FNBP4: variants seen among roughly 807,000 people sequenced by gnomAD.
The protein encoded by FNBP4 is formin binding protein 4, also known as formin-binding protein 4.
Under a neutral mutation model 119.3 loss-of-function variants are expected in FNBP4, and 34 were observed. The ratio of observed to expected loss-of-function variants is 0.28; its 90% CI spans 0.22 to 0.38. The LOEUF is 0.38. Among genes scored for constraint, FNBP4 ranks in the 10% least tolerant of loss-of-function variants. The pLI is 1.00. For missense variants in FNBP4, 1,112 were observed against 1,228.9 expected, an observed-to-expected ratio of 0.90 and a Z score of 1.42; for synonymous variants, 462 against 430.6, an observed-to-expected ratio of 1.07 and a Z score of -0.90.
Position 47,767,256 on chromosome 11 carries a change from A to G in FNBP4, c.33T>C (p.Arg11=), listed in dbSNP as rs146921625. MGKKSRAVPG[R]RPILQLSPPG... is the part of the protein sequence containing the mutation. ...GCGGAGAGAGTTGCAGGATGGGCCTACGGCCGGGTACCGCCCGGGACTTCT... is the reference window on the plus strand; with the variant it reads ...GCGGAGAGAGTTGCAGGATGGGCCTGCGGCCGGGTACCGCCCGGGACTTCT... The change falls in exon 1 of 17, where the codon CGT becomes CGC. Residue 11 remains arginine (R), a synonymous_variant. Coordinates refer to ENST00000263773, the MANE Select transcript of FNBP4 (RefSeq NM_015308.5). The G allele has an allele frequency of 1.4e-3, 2,124 of 1,557,162 alleles. 26 individuals carry two copies. The African/African-American group carries it at 0.025, about 18-fold the overall frequency.
intron 2 of FNBP4, among the ~76,000 whole-genome samples, chr11:47,758,973 C>T (rs2135268634): frequency 6.7e-6 from 1 of 150,024 alleles, no homozygotes; most frequent in Middle Eastern, 3.4e-3. Context: ...GGCTGGAGTG[C>T]AGTGGCACAA....
intron 7 of FNBP4, 142 bp from the exon 8 acceptor site, chr11:47,744,305 C>T: frequency 2.8e-6 from 2 of 720,382 alleles, no homozygotes; most frequent in Non-Finnish European, 4.6e-6. Flanking sequence ...ACAGGCTCTC[C>T]CTCTGTTGCC....
chr11:47,730,106 T>C, intron 12 of FNBP4: 1 of 985,462 alleles, frequency 1.0e-6, no homozygotes, highest in Non-Finnish European at 1.2e-6. Context: ...TTTTCAACTT[T>C]GGAACATATA....
chr11:47,756,381 G>A (rs1023093539), intron 2 of FNBP4, among the ~76,000 whole-genome samples: 98 of 152,182 alleles, frequency 6.4e-4, no homozygotes, highest in African/African-American at 2.2e-3. Context: ...CAGATTTATC[G>A]AAAGTTAAAT....
intron 2 of FNBP4, among the ~76,000 whole-genome samples, chr11:47,761,241 A>AC (rs2097633631): frequency 6.6e-6 from 1 of 152,214 alleles, no homozygotes; most frequent in Admixed American, 6.5e-5. Context: ...AACAGGAATG[A>AC]AGTTAGAGTA....
Position 47,767,187 on chromosome 11 carries a change from T to A in FNBP4, c.102A>T (p.Glu34Asp). The A allele has an allele frequency of 2.6e-6, 4 of 1,559,652 alleles. No individual in the cohort carries two copies. In the South Asian group the frequency reaches 4.7e-5, roughly 18 times the overall value. ...CGGTTGAGTCCGGCTCAGTGTCGGG[T>A]TCCGGCTCCGGGTCCCGGCCCGGCG... ...GSTPGRDPEP[E>D]PDTEPDSTAA... Residue 34 changes from glutamate to aspartate, a missense_variant, in exon 1 of 17, where the codon GAA becomes GAT. By Grantham distance (45) the Glu-to-Asp change is conservative. Coordinates refer to ENST00000263773, the MANE Select transcript of FNBP4 (RefSeq NM_015308.5).
intron 8 of FNBP4, among the ~76,000 whole-genome samples, chr11:47,740,679 C>T (rs776296673): frequency 9.9e-5 from 15 of 151,650 alleles, no homozygotes; most frequent in Admixed American, 5.2e-4. Context: ...CTCCAACTTC[C>T]GCCTCCTGGG....
rs61733166 is a variant in FNBP4 at position 47,753,097 on chromosome 11, G to T, written c.456C>A (p.Ile152=). 2.5e-6 allele frequency: 4 copies of T among 1,606,370 alleles called. No individual in the cohort carries two copies. Among genetic ancestry groups the T allele is most frequent in the Admixed American group, 3.5e-5 (2 of 56,948 alleles). ...DSTLANFLAE[I]DAITAPQPAA... ...CAGGCTGAGGAGCTGTTATGGCATC[G>T]ATCTCCTTCAGTATGAAAAGAGTAA... Residue 152 remains isoleucine, a synonymous_variant, in exon 4 of 17, where the codon ATC becomes ATA. Transcript: ENST00000263773.
Position 47,724,135 on chromosome 11 carries a change from G to C in FNBP4, c.2357C>G (p.Thr786Ser). Residue 786 changes from threonine (T) to serine (S), a missense_variant, in exon 14 of 17, where the codon ACT (threonine) becomes AGT (serine). Thr to Ser is a moderately conservative substitution (Grantham distance 58). Coordinates refer to ENST00000263773, the MANE Select transcript of FNBP4 (RefSeq NM_015308.5). ...TGTAGCTTTCCTCTTTATTCCTTTA[G>C]TGGAAGAAGAACTAGAGATGGTGGA... is the stretch of plus-strand genomic sequence containing the variant. Reference protein sequence around the residue: ...VDSTISSSSSTKGIKRKATEI... With the variant: ...VDSTISSSSSSKGIKRKATEI... The C allele has an allele frequency of 4.3e-6, 7 of 1,614,190 alleles. No homozygotes were observed. Among genetic ancestry groups the C allele is most frequent in the Non-Finnish European group, 5.9e-6 (7 of 1,180,026 alleles).
chr11:47,759,218 T>A lies in FNBP4; in HGVS notation c.314-4554A>T, dbSNP rs556465507. On this transcript the variant is annotated intron_variant, in intron 2 of 16. Transcript: ENST00000263773. ...TACAGGTGTGAGACCTGCGCCTGGCTTTTTTTTTTTGGTATGGAGTTTCGC... is the reference window on the plus strand; with the variant it reads ...TACAGGTGTGAGACCTGCGCCTGGCATTTTTTTTTTGGTATGGAGTTTCGC... Among the ~76,000 whole-genome samples the A allele has an allele frequency of 0.049, 10 of 204 alleles. No homozygotes were observed. The South Asian group carries it at 0.5, about 10-fold the overall frequency. 0.1% of individuals were successfully genotyped at this position (204 alleles called of 152,430 possible). A position where few individuals can be genotyped will look rare whatever the true frequency, so the allele number is the denominator to read the frequency against.
chr11:47,725,099 T>C (rs1209334522), intron 12 of FNBP4: 1 of 199,294 alleles, frequency 5.0e-6, no homozygotes, highest in East Asian at 1.2e-4. Flanking sequence ...TCCATATTTA[T>C]GGATGAGTAG....
chr11:47,724,160 A>G lies in FNBP4; in HGVS notation c.2332T>C (p.Ser778Pro), dbSNP rs752701873. Residue 778 changes from serine to proline, a missense_variant, in exon 14 of 17, where the codon TCC (serine) becomes CCC (proline). Physicochemically the swap from Ser to Pro is moderately conservative, Grantham distance 74. This residue lies in a region of FNBP4 where 826 missense variants were observed against 988.8 expected (regional missense o/e 0.84). Coordinates refer to ENST00000263773, the MANE Select transcript of FNBP4 (RefSeq NM_015308.5). ...TVVTSQSSVD[S>P]TISSSSSTKG... ...GTGGAAGAAGAACTAGAGATGGTGGAATCAACTGAACTCTGAAACACAAAC... is the reference window on the plus strand; with the variant it reads ...GTGGAAGAAGAACTAGAGATGGTGGGATCAACTGAACTCTGAAACACAAAC... 1.2e-6 allele frequency: 2 copies of G among 1,614,138 alleles called. No individual in the cohort carries two copies. Among genetic ancestry groups the G allele is most frequent in the South Asian group, 2.2e-5 (2 of 91,076 alleles).
rs962461413 is a variant in FNBP4 at position 47,732,010 on chromosome 11, A to G, written c.1821-449T>C. On this transcript the variant is annotated intron_variant, in intron 11 of 16. Transcript: ENST00000263773. This position sits in a 1 kb window ranked among gnomAD's most constrained non-coding sequence, Gnocchi z 4.2. ...TTGATATCAAACACAGTGAAAGCTA[A>G]AGAGAGGGAGAGGATCTGGGAGCTG... 3 of 993,152 alleles carry G rather than the reference A, an allele frequency of 3.0e-6. No individual in the cohort carries two copies. The highest frequency in any genetic ancestry group is 2.4e-6 in the Non-Finnish European group (2 of 835,528). 61.5% of individuals were successfully genotyped at this position (993,152 alleles called of 1,614,324 possible). A position where few individuals can be genotyped will look rare whatever the true frequency, so the allele number is the denominator to read the frequency against.
At chr11:47,749,325 G>A (rs1277933392) in intron 6 of FNBP4, among the ~76,000 whole-genome samples, 1 of 564 alleles carries the variant, frequency 1.8e-3, no homozygotes, top group African/African-American at 2.0e-3. Flanking sequence ...TAATCCCAGC[G>A]TCTGAGGCAG....
rs1450810685 is a variant in FNBP4 at position 47,734,145 on chromosome 11, G to A, written c.1582-16C>T. The A allele has an allele frequency of 7.0e-7, 1 of 1,425,446 alleles. No individual in the cohort carries two copies. The highest frequency in any genetic ancestry group is 1.4e-5 in the African/African-American group (1 of 69,094). 88.3% of individuals were successfully genotyped at this position (1,425,446 alleles called of 1,614,324 possible). A position where few individuals can be genotyped will look rare whatever the true frequency, so the allele number is the denominator to read the frequency against. On this transcript the variant is annotated splice_polypyrimidine_tract_variant and intron_variant, in intron 9 of 16. Transcript: ENST00000263773. ...CAATCTGAAACTACAATGCAAAAAAGAAAAAAAGTAAAACTAGAATCCGTA... is the reference window on the plus strand; with the variant it reads ...CAATCTGAAACTACAATGCAAAAAAAAAAAAAAGTAAAACTAGAATCCGTA...
chr11:47,747,676 G>A (rs989454108), intron 6 of FNBP4, among the ~76,000 whole-genome samples: 8 of 152,090 alleles, frequency 5.3e-5, no homozygotes, highest in East Asian at 3.9e-4. Context: ...TAGGCCGGGC[G>A]CAGTGGCTCA....
intron 2 of FNBP4, among the ~76,000 whole-genome samples, chr11:47,758,004 T>C (rs1320419578): frequency 1.3e-5 from 2 of 152,208 alleles, no homozygotes; most frequent in Non-Finnish European, 2.9e-5. Flanking sequence ...TATGCAGAGA[T>C]GGAATCTCCT....
chr11:47,737,244 A>G (rs2097575516), intron 8 of FNBP4, among the ~76,000 whole-genome samples: 1 of 152,162 alleles, frequency 6.6e-6, no homozygotes, highest in Non-Finnish European at 1.5e-5. Context: ...CTTAAAATAC[A>G]TCTATAAGTA....
chr11:47,755,466 T>C (rs1042820006), intron 2 of FNBP4, among the ~76,000 whole-genome samples: 2 of 150,798 alleles, frequency 1.3e-5, no homozygotes, highest in Admixed American at 1.3e-4. Flanking sequence ...AATAAATAAA[T>C]AAAATAAAAA....
Sources: gnomAD v4.1 joint callset for allele counts (sites outside exome capture counted in the v4.1 genomes callset) on GRCh38, gnomAD v4.1.1 for gene constraint, gnomAD v4.1.1 regional missense constraint, Gnocchi (gnomAD v3.1) non-coding constraint, MANE v1.5 for transcripts, NCBI Gene and HGNC (gene_info 2026-07-23, HGNC 2026-07-21) for gene names.